Variants in LEKR1 observed in about 807,000 individuals in gnomAD.
LEKR1 encodes the protein leucine, glutamate and lysine rich 1.
A neutral mutation model predicts 72.4 loss-of-function variants in LEKR1; 59 were observed. That is an observed-to-expected ratio of 0.82 (90% CI 0.66 to 1.01). The LOEUF is 1.01. Among genes scored for constraint, LEKR1 ranks in the 50% least tolerant of loss-of-function variants. LEKR1 has a pLI of 0.00. For missense variants in LEKR1, 728 were observed against 759.2 expected (o/e 0.96, Z 0.48); for synonymous variants, 257 against 263.2 (o/e 0.98, Z 0.23).
At chr3:156,853,498 A>G (rs1428969415) in intron 3 of LEKR1, among the ~76,000 whole-genome samples, 4 of 152,020 alleles carry the variant, frequency 2.6e-5, no homozygotes, top group Non-Finnish European at 4.4e-5. Context: ...GCCTAAAGAC[A>G]CTTCAGTGAG....
chr3:156,941,283 G>C (rs1189949415), intron 5 of LEKR1, among the ~76,000 whole-genome samples: 1 of 151,978 alleles, frequency 6.6e-6, no homozygotes, highest in Non-Finnish European at 1.5e-5. Flanking sequence ...TTATTCCCCA[G>C]GTCTATCACA....
intron 9 of LEKR1, among the ~76,000 whole-genome samples, chr3:156,996,641 T>C (rs16826986): frequency 0.012 from 1,778 of 152,262 alleles, 38 homozygotes; most frequent in African/African-American, 0.041. Flanking sequence ...GTAGTGAAGC[T>C]TAAGAGATAT....
At chr3:156,933,244 G>T (rs1365397086) in intron 5 of LEKR1, among the ~76,000 whole-genome samples, 1 of 152,078 alleles carries the variant, frequency 6.6e-6, no homozygotes, top group Non-Finnish European at 1.5e-5. Flanking sequence ...TATATATTAT[G>T]CATCATTTCC....
intron 3 of LEKR1, among the ~76,000 whole-genome samples, chr3:156,900,722 A>G (rs1047905470): frequency 6.6e-6 from 1 of 152,162 alleles, no homozygotes; most frequent in African/African-American, 2.4e-5. Flanking sequence ...GGCTTATTAT[A>G]TTTTTGCGTG....
chr3:156,876,899 C>T (rs907600529), intron 3 of LEKR1, among the ~76,000 whole-genome samples: 1 of 152,136 alleles, frequency 6.6e-6, no homozygotes, highest in Non-Finnish European at 1.5e-5. Flanking sequence ...TGCTTTGTTC[C>T]AGTTCTCAAG....
chr3:156,845,027 G>C (rs1269499272), intron 2 of LEKR1, among the ~76,000 whole-genome samples: 1 of 151,170 alleles, frequency 6.6e-6, no homozygotes, highest in African/African-American at 2.4e-5. Context: ...AGCATTTGAT[G>C]TTGTCAGTGA....
At chr3:156,935,246 G>T (rs928443343) in intron 5 of LEKR1, among the ~76,000 whole-genome samples, 1 of 152,174 alleles carries the variant, frequency 6.6e-6, no homozygotes, top group Non-Finnish European at 1.5e-5. Context: ...AAGCTCAAAG[G>T]TGGAAATGCA....
intron 6 of LEKR1, among the ~76,000 whole-genome samples, chr3:156,955,079 G>A (rs1039644229): frequency 4.0e-5 from 6 of 151,830 alleles, no homozygotes; most frequent in African/African-American, 9.7e-5. Context: ...CATTTCCCTT[G>A]TTAGCTGTAT....
At chr3:156,845,232 T>C (rs993430535) in intron 2 of LEKR1, among the ~76,000 whole-genome samples, 1 of 151,986 alleles carries the variant, frequency 6.6e-6, no homozygotes, top group Admixed American at 6.6e-5. Flanking sequence ...CTTTATATAA[T>C]CTAGGTACTA....
chr3:156,895,046 A>T (rs933800975), intron 3 of LEKR1, among the ~76,000 whole-genome samples: 10 of 152,248 alleles, frequency 6.6e-5, no homozygotes, highest in Non-Finnish European at 1.2e-4. Flanking sequence ...ATGGAATCTA[A>T]TTAAAGCAAA....
intron 3 of LEKR1, among the ~76,000 whole-genome samples, chr3:156,880,733 T>C (rs960106194): frequency 6.6e-6 from 1 of 152,194 alleles, no homozygotes; most frequent in Non-Finnish European, 1.5e-5. Flanking sequence ...TTGATGAACA[T>C]TGATGCAAAA....
Position 157,045,641 on chromosome 3 carries a change from G to T in LEKR1, c.1970G>T (p.Gly657Val). 6.2e-7 allele frequency: 1 copy of T among 1,614,072 alleles called. No individual in the cohort carries two copies. The highest frequency in any genetic ancestry group is 8.5e-7 in the Non-Finnish European group (1 of 1,180,014). ...TSDKPKRVRS[G>V]VPILPQPHPP... ...GATAAGCCGAAGAGGGTTAGATCAG[G>T]CGTGCCCATTCTCCCCCAGCCACAT... Residue 657 changes from glycine to valine, a missense_variant, in exon 13 of 13, where the codon GGC (glycine) becomes GTC (valine). Physicochemically the swap from Gly to Val is moderately radical, Grantham distance 109. Coordinates refer to ENST00000356539, the MANE Select transcript of LEKR1 (RefSeq NM_001004316.3).
At chr3:156,901,607 CT>C (rs1722042478) in intron 3 of LEKR1, among the ~76,000 whole-genome samples, 1 of 152,180 alleles carries the variant, frequency 6.6e-6, no homozygotes, top group Admixed American at 6.5e-5. Context: ...TGCATATTCT[CT>C]TTTCCTCGTA....
chr3:156,854,723 G>GTT (rs780705516), intron 3 of LEKR1, among the ~76,000 whole-genome samples: 5 of 144,438 alleles, frequency 3.5e-5, no homozygotes, highest in Non-Finnish European at 3.1e-5. Flanking sequence ...GTATTTTGTA[G>GTT]TTTTTTTTTT....
chr3:156,896,442 G>A (rs935492691), intron 3 of LEKR1, among the ~76,000 whole-genome samples: 19 of 152,116 alleles, frequency 1.2e-4, no homozygotes, highest in Admixed American at 2.6e-4. Flanking sequence ...TGGCCAAAAA[G>A]CATATGAAAA....
intron 3 of LEKR1, among the ~76,000 whole-genome samples, chr3:156,896,243 T>A (rs1347331385): frequency 3.9e-5 from 6 of 152,042 alleles, no homozygotes; most frequent in African/African-American, 1.2e-4. Context: ...AGCTAATGGA[T>A]GCTGGGCATA....
chr3:156,877,028 T>A (rs1490227141), intron 3 of LEKR1, among the ~76,000 whole-genome samples: 1 of 152,228 alleles, frequency 6.6e-6, no homozygotes, highest in Non-Finnish European at 1.5e-5. Flanking sequence ...ATTTTAGTCA[T>A]AAAAGGATGC....
At chr3:156,986,594 G>A (rs1032360582) in intron 7 of LEKR1, among the ~76,000 whole-genome samples, 2 of 152,192 alleles carry the variant, frequency 1.3e-5, no homozygotes, top group Non-Finnish European at 2.9e-5. Flanking sequence ...GTAGACAGTT[G>A]AGAGGCAGCA....
In LEKR1 at chr3:156,869,518, A is replaced by C. The variant is rs78140842; in HGVS notation, c.263+16536A>C. Among the ~76,000 whole-genome samples, 1,015 of 151,854 alleles carry C rather than the reference A, an allele frequency of 6.7e-3. 13 individuals are homozygous for C. The highest frequency in any genetic ancestry group is 0.023 in the African/African-American group (969 of 41,476). On this transcript the variant is annotated intron_variant, in intron 3 of 12. Coordinates refer to ENST00000356539, the MANE Select transcript of LEKR1 (RefSeq NM_001004316.3). ...GTCTTCCTTAGAAAAATGCCTTTGC[A>C]TGTCCTTTGCCCACTTTTTAATTGA...
Sources: gnomAD v4.1 joint callset for allele counts (sites outside exome capture counted in the v4.1 genomes callset) on GRCh38, gnomAD v4.1.1 for gene constraint, MANE v1.5 for transcripts, NCBI Gene and HGNC (gene_info 2026-07-23, HGNC 2026-07-21) for gene names.